The following CHD7 variants were observed in gnomAD, a reference collection of about 807,000 sequenced individuals.
The protein encoded by CHD7 is ATP-dependent chromatin remodeler CHD7.
CHD7 carries 24 observed loss-of-function variants against 307.3 expected under a neutral mutation model. That is an observed-to-expected ratio of 0.08 (90% CI 0.06 to 0.11). The LOEUF (loss-of-function observed/expected upper bound fraction) is 0.11, where lower values mean the gene tolerates loss of function less well. Among genes scored for constraint, CHD7 ranks in the 10% least tolerant of loss-of-function variants. The probability of loss-of-function intolerance (pLI) is 1.00; values close to 1 mark genes in which losing one functional copy is unlikely to be tolerated. For synonymous variants in CHD7, 1,363 were observed against 1,349.9 expected (o/e 1.01, Z -0.21); for missense variants, 3,106 against 3,727.1 (o/e 0.83, Z 4.34).
intron 1 of CHD7, among the ~76,000 whole-genome samples, chr8:60,693,216 C>T (rs983012213): frequency 1.3e-5 from 2 of 152,328 alleles, no homozygotes; most frequent in Non-Finnish European, 2.9e-5. Context: ...AGCGCAGTCC[C>T]AGGCCTGCTA....
chr8:60,864,618 C>T (rs1328367143), intron 37 of CHD7: 1 of 217,450 alleles, frequency 4.6e-6, no homozygotes, highest in Admixed American at 5.2e-5. Context: ...TGATTATACT[C>T]TTTTAGTTAT....
intron 7 of CHD7, among the ~76,000 whole-genome samples, chr8:60,809,208 C>T (rs117394363): frequency 0.011 from 1,608 of 152,204 alleles, 13 homozygotes; most frequent in Non-Finnish European, 0.016. Flanking sequence ...GTGAGTAAAA[C>T]CTTTTATCAA....
intron 32 of CHD7, among the ~76,000 whole-genome samples, chr8:60,855,742 A>G (rs1449684593): frequency 6.6e-6 from 1 of 152,262 alleles, no homozygotes; most frequent in Non-Finnish European, 1.5e-5. Context: ...AATTAAAAAT[A>G]GCATGTTTTC....
intron 2 of CHD7, among the ~76,000 whole-genome samples, chr8:60,770,618 C>T (rs899871525): frequency 1.3e-5 from 2 of 152,206 alleles, no homozygotes; most frequent in Non-Finnish European, 2.9e-5. Flanking sequence ...TTGCTTATAA[C>T]ACAGCTGCTT....
chr8:60,804,062 G>C (rs1469987015), intron 6 of CHD7, among the ~76,000 whole-genome samples: 2 of 152,196 alleles, frequency 1.3e-5, no homozygotes, highest in Non-Finnish European at 2.9e-5. Context: ...GATCCATTAT[G>C]ATGGAGTTGT....
chr8:60,764,173 TAG>T (rs1331519972), intron 2 of CHD7, among the ~76,000 whole-genome samples: 2 of 152,070 alleles, frequency 1.3e-5, no homozygotes, highest in Admixed American at 1.3e-4. Context: ...GTATTTTTAG[TAG>T]AGACGGGGTT....
chr8:60,767,655 G>A (rs189739299), intron 2 of CHD7, among the ~76,000 whole-genome samples: 67 of 152,292 alleles, frequency 4.4e-4, no homozygotes, highest in Non-Finnish European at 6.5e-4. Context: ...ACTCCCTGAA[G>A]TCAATGCTGT....
chr8:60,824,805 T>G (rs1012037001), intron 13 of CHD7: 3 of 152,190 alleles, frequency 2.0e-5, no homozygotes, highest in African/African-American at 7.2e-5. Context: ...TTCTAGATTT[T>G]TTTTTCAGCA....
chr8:60,701,776 C>T lies in CHD7; in HGVS notation c.-175+22694C>T, dbSNP rs551918349. On this transcript the variant is annotated intron_variant, in intron 1 of 37. Transcript: ENST00000423902. The stretch of plus-strand genomic sequence containing the variant: ...TGTGAACTTATGAAATATTTTTAAC[C>T]TTCCTGGAGATCTTGAAAAGTTTAT... Among the ~76,000 whole-genome samples, 117 of 152,282 alleles carry T rather than the reference C, an allele frequency of 7.7e-4. 1 individual carries two copies. The highest frequency in any genetic ancestry group is 2.1e-3 in the African/African-American group (88 of 41,566).
chr8:60,772,228 A>AT (rs993208981), intron 2 of CHD7, among the ~76,000 whole-genome samples: 1 of 151,860 alleles, frequency 6.6e-6, no homozygotes, highest in Non-Finnish European at 1.5e-5. Context: ...TTATAAATTG[A>AT]TTTTTTTTCC....
intron 2 of CHD7, among the ~76,000 whole-genome samples, chr8:60,772,738 GAA>G (rs1460874812): frequency 2.0e-5 from 3 of 152,202 alleles, no homozygotes; most frequent in Non-Finnish European, 4.4e-5. Flanking sequence ...AGGTGATGAA[GAA>G]AAGAGAGAAG....
At chr8:60,716,603 C>T (rs1340424030) in intron 1 of CHD7, among the ~76,000 whole-genome samples, 2 of 152,166 alleles carry the variant, frequency 1.3e-5, no homozygotes, top group African/African-American at 4.8e-5. Flanking sequence ...TAAAATTGCA[C>T]CTCCTTCCTC....
intron 2 of CHD7, among the ~76,000 whole-genome samples, chr8:60,745,540 A>G (rs981468794): frequency 6.6e-6 from 1 of 152,194 alleles, no homozygotes. Context: ...CATTATAGGC[A>G]AACTCAGGAC....
chr8:60,816,952 G>T (rs756873692), intron 8 of CHD7, among the ~76,000 whole-genome samples: 7 of 152,164 alleles, frequency 4.6e-5, no homozygotes, highest in Non-Finnish European at 1.0e-4. Flanking sequence ...ACTCATTTTC[G>T]CAAATGCTGT....
At chr8:60,821,515 T>C (rs921352972) in intron 9 of CHD7, among the ~76,000 whole-genome samples, 3 of 151,776 alleles carry the variant, frequency 2.0e-5, no homozygotes, top group Non-Finnish European at 4.4e-5. Context: ...CCTTAATGTG[T>C]ATGTAAATAT....
chr8:60,821,017 C>G (rs1028486427), intron 9 of CHD7, among the ~76,000 whole-genome samples: 6 of 152,294 alleles, frequency 3.9e-5, no homozygotes, highest in East Asian at 3.9e-4. Context: ...TCCTGTTGAT[C>G]TGCATTACCT....
intron 7 of CHD7, among the ~76,000 whole-genome samples, chr8:60,810,380 A>AGT (rs112629399): frequency 0.014 from 2,104 of 146,060 alleles, 20 homozygotes; most frequent in East Asian, 0.061. Flanking sequence ...AGAGAGAGAG[A>AGT]GTGTGTGTGT....
At chr8:60,803,384 G>A (rs1483282081) in intron 6 of CHD7, among the ~76,000 whole-genome samples, 2 of 152,044 alleles carry the variant, frequency 1.3e-5, no homozygotes, top group Non-Finnish European at 2.9e-5. Context: ...TTTTCTTTCT[G>A]TTTTGCCCAC....
intron 2 of CHD7, among the ~76,000 whole-genome samples, chr8:60,765,689 G>A (rs1158450076): frequency 1.3e-5 from 2 of 152,218 alleles, no homozygotes; most frequent in Non-Finnish European, 2.9e-5. Context: ...TGGAGAGGAG[G>A]ACATGGGCCA....
Sources: allele counts gnomAD v4.1 joint callset (sites outside exome capture counted in the v4.1 genomes callset), GRCh38; gene constraint gnomAD v4.1.1; transcripts MANE v1.5; gene names NCBI Gene and HGNC (gene_info 2026-07-23, HGNC 2026-07-21).